The following LRFN2 variants were observed in gnomAD, a reference collection of about 807,000 sequenced individuals.
LRFN2 encodes leucine-rich repeat and fibronectin type-III domain-containing protein 2.
Under a neutral mutation model 37.3 loss-of-function variants are expected in LRFN2, and 18 were observed. That is an observed-to-expected ratio of 0.48 (90% CI 0.33 to 0.72). The LOEUF is 0.72. Among genes scored for constraint, LRFN2 ranks in the 30% least tolerant of loss-of-function variants. LRFN2 has a pLI of 0.02. For synonymous variants in LRFN2, 556 were observed against 466.6 expected (o/e 1.19, Z -2.47); for missense variants, 1,006 against 1,060.7 (o/e 0.95, Z 0.72).
At chr6:40,397,687 AG>A (rs1287183003) in intron 2 of LRFN2, among the ~76,000 whole-genome samples, 3 of 152,220 alleles carry the variant, frequency 2.0e-5, no homozygotes, top group Non-Finnish European at 4.4e-5. Flanking sequence ...ACTTCCTAGA[AG>A]GATAATTAAA....
Position 40,392,656 on chromosome 6 carries a change from G to A in LRFN2, c.1657C>T (p.Leu553Phe). 2 of 1,613,310 alleles carry A rather than the reference G, an allele frequency of 1.2e-6. No individual in the cohort carries two copies. Among genetic ancestry groups the A allele is most frequent in the South Asian group, 2.2e-5 (2 of 91,084 alleles). ...TTGCAGACCTTGTAGCGCACCATGA[G>A]GATGACGATGAAGACCAGCAGCGTG... ...VATLLVFIVILMVRYKVCNHE... is the reference protein window; with the variant it reads ...VATLLVFIVIFMVRYKVCNHE... Residue 553 changes from leucine to phenylalanine, a missense_variant, in exon 3 of 3, where the codon CTC becomes TTC. Leu to Phe is a conservative substitution (Grantham distance 22). This residue lies in a region of LRFN2 where 120 missense variants were observed against 178.4 expected (regional missense o/e 0.67). Transcript: ENST00000338305. This position sits in a 1 kb window ranked among gnomAD's most constrained non-coding sequence, Gnocchi z 4.7.
At chr6:40,442,796 C>T (rs1274454138) in intron 1 of LRFN2, among the ~76,000 whole-genome samples, 1 of 152,154 alleles carries the variant, frequency 6.6e-6, no homozygotes. Context: ...CTGCATGGGG[C>T]CCTGCTGAGG....
At chr6:40,550,447 T>C (rs1278666877) in intron 1 of LRFN2, among the ~76,000 whole-genome samples, 2 of 152,120 alleles carry the variant, frequency 1.3e-5, no homozygotes, top group Non-Finnish European at 2.9e-5. Flanking sequence ...CAAGTTCCCA[T>C]CCTCATCCAG....
intron 2 of LRFN2, among the ~76,000 whole-genome samples, chr6:40,415,951 A>C (rs559248655): frequency 2.6e-5 from 4 of 152,384 alleles, no homozygotes; most frequent in African/African-American, 7.2e-5. Context: ...GGATGAAGGC[A>C]GAATCTGAAG....
At chr6:40,444,527 T>C (rs1763920746) in intron 1 of LRFN2, among the ~76,000 whole-genome samples, 1 of 152,168 alleles carries the variant, frequency 6.6e-6, no homozygotes, top group Admixed American at 6.5e-5. Flanking sequence ...ATTCCTAATA[T>C]TGTCTTTCTT....
At chr6:40,508,040 C>T (rs949809552) in intron 1 of LRFN2, among the ~76,000 whole-genome samples, 4 of 152,208 alleles carry the variant, frequency 2.6e-5, no homozygotes, top group African/African-American at 9.7e-5. Context: ...ACAGAGTTAA[C>T]AGCAAAGTCT....
intron 1 of LRFN2, among the ~76,000 whole-genome samples, chr6:40,566,601 G>T (rs1767094647): frequency 6.6e-6 from 1 of 151,642 alleles, no homozygotes; most frequent in African/African-American, 2.4e-5. Context: ...GGATGAAGCT[G>T]GAAACCATCA....
In LRFN2 at chr6:40,432,125, A is replaced by G. The variant is rs1034269377; in HGVS notation, c.989T>C (p.Val330Ala). Residue 330 changes from valine (V) to alanine (A), a missense_variant, in exon 2 of 3, where the codon GTA becomes GCA. Coordinates refer to ENST00000338305, the MANE Select transcript of LRFN2 (RefSeq NM_020737.3). ...GACAGCGGTCCTTGAGGAGTTCCCT[A>G]CCAGGCGGTCATCGGGGGCTACCCA... Reference protein sequence around the residue: ...IHWVAPDDRLVGNSSRTAVYD... With the variant: ...IHWVAPDDRLAGNSSRTAVYD... 6.2e-7 allele frequency: 1 copy of G among 1,613,678 alleles called. No individual in the cohort carries two copies. Among genetic ancestry groups the G allele is most frequent in the African/African-American group, 1.3e-5 (1 of 74,920 alleles).
intron 1 of LRFN2, among the ~76,000 whole-genome samples, chr6:40,443,524 A>G (rs958126536): frequency 6.6e-5 from 10 of 152,080 alleles, no homozygotes; most frequent in African/African-American, 1.7e-4. Flanking sequence ...ACATACTACA[A>G]ATGCTTCCCC....
chr6:40,435,680 A>G (rs1430595001), intron 1 of LRFN2, among the ~76,000 whole-genome samples: 1 of 152,112 alleles, frequency 6.6e-6, no homozygotes, highest in African/African-American at 2.4e-5. Flanking sequence ...CTGGGACTAC[A>G]GGTGCCCGCC....
At chr6:40,463,160 C>A (rs1442391218) in intron 1 of LRFN2, among the ~76,000 whole-genome samples, 1 of 152,148 alleles carries the variant, frequency 6.6e-6, no homozygotes, top group Non-Finnish European at 1.5e-5. Flanking sequence ...GAGCTTGGAC[C>A]ACCTAGTTAG....
chr6:40,428,490 A>T (rs543478225), intron 2 of LRFN2, among the ~76,000 whole-genome samples: 6 of 152,252 alleles, frequency 3.9e-5, no homozygotes, highest in African/African-American at 1.4e-4. Context: ...TAATGAGGAC[A>T]ATTCATTTTC....
At chr6:40,418,594 C>T (rs1763147723) in intron 2 of LRFN2, among the ~76,000 whole-genome samples, 1 of 152,158 alleles carries the variant, frequency 6.6e-6, no homozygotes, top group Non-Finnish European at 1.5e-5. Flanking sequence ...GGTCATTCTT[C>T]CCCTCAGAAC....
intron 2 of LRFN2, among the ~76,000 whole-genome samples, chr6:40,424,803 C>T (rs1763311823): frequency 6.6e-6 from 1 of 152,158 alleles, no homozygotes; most frequent in Admixed American, 6.5e-5. Flanking sequence ...CCTGGCATGC[C>T]CCACTCCCTT....
chr6:40,409,507 T>C (rs1762915437), intron 2 of LRFN2, among the ~76,000 whole-genome samples: 1 of 152,188 alleles, frequency 6.6e-6, no homozygotes, highest in African/African-American at 2.4e-5. Flanking sequence ...ATGATGATGT[T>C]TGCATTTGGT....
intron 1 of LRFN2, among the ~76,000 whole-genome samples, chr6:40,448,033 C>T (rs921609658): frequency 6.6e-6 from 1 of 152,198 alleles, no homozygotes. Flanking sequence ...GAGGGAGGCC[C>T]AGCCTTTAGG....
chr6:40,514,306 G>A (rs1765795274), intron 1 of LRFN2, among the ~76,000 whole-genome samples: 1 of 151,848 alleles, frequency 6.6e-6, no homozygotes, highest in Admixed American at 6.6e-5. Flanking sequence ...TGTTATATGA[G>A]TTTTTTTTGT....
chr6:40,395,717 G>A (rs1440601414), intron 2 of LRFN2, among the ~76,000 whole-genome samples: 1 of 152,236 alleles, frequency 6.6e-6, no homozygotes, highest in East Asian at 1.9e-4. Context: ...CGACACAGCT[G>A]CCATCATAAT....
chr6:40,416,981 C>A (rs921685164), intron 2 of LRFN2, among the ~76,000 whole-genome samples: 1 of 152,198 alleles, frequency 6.6e-6, no homozygotes, highest in Non-Finnish European at 1.5e-5. Flanking sequence ...CCTGGGCGCT[C>A]CTGCTTTCCT....
Sources: gnomAD v4.1 joint callset for allele counts (sites outside exome capture counted in the v4.1 genomes callset) on GRCh38, gnomAD v4.1.1 for gene constraint, gnomAD v4.1.1 regional missense constraint, Gnocchi (gnomAD v3.1) non-coding constraint, MANE v1.5 for transcripts, NCBI Gene and HGNC (gene_info 2026-07-23, HGNC 2026-07-21) for gene names.